Variants in SEMA6D observed in about 807,000 individuals in gnomAD.
SEMA6D encodes the protein semaphorin 6D.
A neutral mutation model predicts 106.6 loss-of-function variants in SEMA6D; 35 were observed. That is an observed-to-expected ratio of 0.33 (90% CI 0.25 to 0.44). The LOEUF (loss-of-function observed/expected upper bound fraction) is 0.44. Ranked by LOEUF, SEMA6D falls within the 20% of genes least tolerant of loss-of-function variation. The pLI, the probability that SEMA6D is intolerant of heterozygous loss-of-function variation, is 1.00. For synonymous variants in SEMA6D, 499 were observed against 487.7 expected (o/e 1.02, Z -0.31); for missense variants, 1,185 against 1,345.9 (o/e 0.88, Z 1.87).
chr15:47,344,066 A>C (rs1218130186), intron 1 of SEMA6D, among the ~76,000 whole-genome samples: 1 of 152,196 alleles, frequency 6.6e-6, no homozygotes, highest in African/African-American at 2.4e-5. Context: ...GGCGATCATT[A>C]AAAAGTCAGG....
At chr15:47,284,199 T>C (rs956950373) in intron 1 of SEMA6D, among the ~76,000 whole-genome samples, 5 of 152,238 alleles carry the variant, frequency 3.3e-5, no homozygotes, top group Non-Finnish European at 5.9e-5. Context: ...GTATCATAGA[T>C]GTGAAGATGT....
intron 1 of SEMA6D, among the ~76,000 whole-genome samples, chr15:47,192,436 A>G (rs1894026961): frequency 6.6e-6 from 1 of 152,190 alleles, no homozygotes; most frequent in Non-Finnish European, 1.5e-5. Context: ...TAGAACTTCT[A>G]TTTTTATTTA....
chr15:47,417,102 A>G (rs1482458225), intron 2 of SEMA6D, among the ~76,000 whole-genome samples: 2 of 152,064 alleles, frequency 1.3e-5, no homozygotes, highest in African/African-American at 4.8e-5. Flanking sequence ...TTGAGGGGAA[A>G]GGGGAGTTAT....
chr15:47,662,989 A>G (rs2077956839), intron 4 of SEMA6D, among the ~76,000 whole-genome samples: 1 of 152,216 alleles, frequency 6.6e-6, no homozygotes. Flanking sequence ...AGGCTATACT[A>G]CATGTTGGCA....
intron 3 of SEMA6D, among the ~76,000 whole-genome samples, chr15:47,509,577 A>G (rs2044158515): frequency 1.3e-5 from 2 of 152,192 alleles, no homozygotes; most frequent in African/African-American, 4.8e-5. Flanking sequence ...GTATCCTTGT[A>G]TCTCCATACA....
intron 4 of SEMA6D, among the ~76,000 whole-genome samples, chr15:47,680,174 C>G (rs943481145): frequency 6.6e-6 from 1 of 152,096 alleles, no homozygotes; most frequent in African/African-American, 2.4e-5. Context: ...AAAAATTTTC[C>G]TTTGTTGCCC....
At chr15:47,550,464 G>A (rs1342154898) in intron 3 of SEMA6D, among the ~76,000 whole-genome samples, 4 of 152,078 alleles carry the variant, frequency 2.6e-5, no homozygotes, top group African/African-American at 9.7e-5. Flanking sequence ...GTATAGATAT[G>A]GATAGAACAA....
At chr15:47,760,913 A>G (rs2082025736) in intron 3 of SEMA6D, 65 bp from the exon 4 acceptor site, 1 of 1,415,560 alleles carries the variant, frequency 7.1e-7, no homozygotes, top group African/African-American at 1.4e-5. Context: ...GTAAAAATAA[A>G]AAAGGAAGCA....
chr15:47,505,117 G>A (rs2043997928), intron 3 of SEMA6D, among the ~76,000 whole-genome samples: 1 of 152,114 alleles, frequency 6.6e-6, no homozygotes, highest in African/African-American at 2.4e-5. Context: ...CCTTCCGGAA[G>A]TTAGATCTGT....
chr15:47,580,130 T>C (rs191752894), intron 3 of SEMA6D, among the ~76,000 whole-genome samples: 1 of 152,146 alleles, frequency 6.6e-6, no homozygotes, highest in Admixed American at 6.5e-5. Flanking sequence ...TCTGAGTTAG[T>C]AGAGAATGAT....
chr15:47,343,736 T>C (rs2037927192), intron 1 of SEMA6D, among the ~76,000 whole-genome samples: 1 of 152,200 alleles, frequency 6.6e-6, no homozygotes, highest in Admixed American at 6.6e-5. Flanking sequence ...TGTGTCTTTA[T>C]AGCAGCATGA....
At chr15:47,717,203 G>T (rs1322028859), upstream of SEMA6D, 1 of 152,520 alleles carries the variant, frequency 6.6e-6, no homozygotes, top group East Asian at 1.9e-4. Flanking sequence ...GCTACTCAGA[G>T]GTGGGGAGAG....
intron 1 of SEMA6D, among the ~76,000 whole-genome samples, chr15:47,377,605 A>AC (rs748729947): frequency 6.6e-6 from 1 of 152,222 alleles, no homozygotes; most frequent in Non-Finnish European, 1.5e-5. Flanking sequence ...GGAGGATTAG[A>AC]CGTTGTCAGT....
intron 1 of SEMA6D, among the ~76,000 whole-genome samples, chr15:47,374,152 A>G (rs941260372): frequency 6.6e-6 from 1 of 152,216 alleles, no homozygotes; most frequent in Non-Finnish European, 1.5e-5. Context: ...ACGTATGTTA[A>G]TAACGACTTC....
chr15:47,764,124 GA>G (rs1305332663), intron 10 of SEMA6D, 49 bp from the exon 11 acceptor site: 142 of 1,612,716 alleles, frequency 8.8e-5, no homozygotes, highest in Non-Finnish European at 1.2e-4. Context: ...TCAGAACCAA[GA>G]CAGGCTTCAT....
At chr15:47,428,198 AAATC>A (rs1208492137) in intron 2 of SEMA6D, among the ~76,000 whole-genome samples, 2 of 152,150 alleles carry the variant, frequency 1.3e-5, no homozygotes, top group African/African-American at 4.8e-5. Context: ...AAAGATAAAT[AAATC>A]AACCACTGAG....
At chr15:47,243,927 T>C (rs932445773) in intron 1 of SEMA6D, among the ~76,000 whole-genome samples, 2 of 152,138 alleles carry the variant, frequency 1.3e-5, no homozygotes, top group Non-Finnish European at 2.9e-5. Flanking sequence ...GGACAAAATT[T>C]GACAACAGTC....
At chr15:47,494,208 C>T (rs2141478808) in intron 3 of SEMA6D, among the ~76,000 whole-genome samples, 1 of 152,174 alleles carries the variant, frequency 6.6e-6, no homozygotes, top group East Asian at 1.9e-4. Flanking sequence ...TCACAAATGT[C>T]CATCAAACAG....
chr15:47,585,238 A>G (rs2076317095), intron 3 of SEMA6D, among the ~76,000 whole-genome samples: 1 of 152,218 alleles, frequency 6.6e-6, no homozygotes, highest in Non-Finnish European at 1.5e-5. Context: ...GAAATTATAT[A>G]TGATCAGATT....
Sources: allele counts gnomAD v4.1 joint callset (sites outside exome capture counted in the v4.1 genomes callset), GRCh38; gene constraint gnomAD v4.1.1; transcripts MANE v1.5; gene names NCBI Gene and HGNC (gene_info 2026-07-23, HGNC 2026-07-21).